FBL: variants seen among roughly 807,000 people sequenced by gnomAD.
The protein encoded by FBL is fibrillarin rRNA 2'-O-methyltransferase.
FBL carries 10 observed loss-of-function variants against 42.2 expected under a neutral mutation model. The ratio of observed to expected loss-of-function variants is 0.24; its 90% confidence interval spans 0.15 to 0.40. The LOEUF (loss-of-function observed/expected upper bound fraction) is 0.40, where lower values mean the gene tolerates loss of function less well. FBL is among the 10% of genes least tolerant of loss of function. The pLI is 1.00. For missense variants in FBL, 351 were observed against 439.2 expected (o/e 0.80, Z 1.79); for synonymous variants, 165 against 165.4 (o/e 1.00, Z 0.02).
Position 39,839,208 on chromosome 19 carries a change from A to C in FBL, c.379-3T>G. ...TACTCAATTTTGTCATCTCCTTCCT[A>C]GATGAGAGATGGGGACAGAAGTCAG... On this transcript the variant is annotated splice_polypyrimidine_tract_variant and splice_region_variant and intron_variant, in intron 4 of 8. Transcript: ENST00000221801. The C allele has an allele frequency of 6.2e-7, 1 of 1,607,402 alleles. No individual in the cohort carries two copies. The highest frequency in any genetic ancestry group is 1.1e-5 in the South Asian group (1 of 90,180).
In FBL at chr19:39,839,080, A is replaced by T. The variant is rs1235477914; in HGVS notation, c.504T>A (p.Ala168=). ...CATGGGAGACCGTGGTGCCCGAGGC[A>T]GCCCCGAGGTAGAGAACCTTAGCCC... is the stretch of plus-strand genomic sequence containing the variant. ...KPGAKVLYLG[A]ASGTTVSHVS... is the part of the protein sequence containing the mutation. The change falls in exon 5 of 9, where the codon GCT becomes GCA. Residue 168 remains alanine, a synonymous_variant. Coordinates refer to ENST00000221801, the MANE Select transcript of FBL (RefSeq NM_001436.4). 1 of 1,614,156 alleles carries T rather than the reference A, an allele frequency of 6.2e-7. No homozygotes were observed. The highest frequency in any genetic ancestry group is 8.5e-7 in the Non-Finnish European group (1 of 1,179,998).
chr19:39,837,067 A>G (rs1446087590), intron 6 of FBL, among the ~76,000 whole-genome samples: 1 of 152,236 alleles, frequency 6.6e-6, no homozygotes, highest in Non-Finnish European at 1.5e-5. Flanking sequence ...AATGAAAACA[A>G]GTTGCAGAAC....
Position 39,840,741 on chromosome 19 carries a change from A to G in FBL, c.57T>C (p.Gly19=), listed in dbSNP as rs765935421. 3 of 1,575,322 alleles carry G rather than the reference A, an allele frequency of 1.9e-6. No individual in the cohort carries two copies. Among genetic ancestry groups the G allele is most frequent in the African/African-American group, 2.7e-5 (2 of 73,808 alleles). The change falls in exon 2 of 9, where the codon GGT becomes GGC. Residue 19 remains glycine, a synonymous_variant. Transcript: ENST00000221801. The surrounding 1 kb of genome is among the most constrained non-coding windows in gnomAD (Gnocchi z 4.5). The part of the protein sequence containing the change: ...GGGFGGRGGF[G]DRGGRGGRGG... ...CTCGGCCTCCACGACCACCACGGTC[A>G]CCAAAGCCCCCTCGGCCGCCAAAGC...
In FBL at chr19:39,840,160, G is replaced by T; in HGVS notation, c.378+73C>A. ...AGCTGTCACGTGCAGGACACATGGTGAGGGCAGACACAGACTACTGGCTAC... is the reference window on the plus strand; with the variant it reads ...AGCTGTCACGTGCAGGACACATGGTTAGGGCAGACACAGACTACTGGCTAC... On this transcript the variant is annotated intron_variant, in intron 4 of 8. Transcript: ENST00000221801. This position sits in a 1 kb window ranked among gnomAD's most constrained non-coding sequence, Gnocchi z 4.5. 1 of 1,005,892 alleles carries T rather than the reference G, an allele frequency of 9.9e-7. No homozygotes were observed. Among genetic ancestry groups the T allele is most frequent in the Non-Finnish European group, 1.6e-6 (1 of 630,270 alleles). The allele number at this position is 1,005,892 out of a possible 1,614,324, so 62.3% of individuals were successfully genotyped here. A position where few individuals can be genotyped will look rare whatever the true frequency, so the allele number is the denominator to read the frequency against.
rs781092751 is a variant in FBL at position 39,840,692 on chromosome 19, G to A, written c.106C>T (p.Arg36Ter). 1 of 1,591,526 alleles carries A rather than the reference G, an allele frequency of 6.3e-7. No individual in the cohort carries two copies. The highest frequency in any genetic ancestry group is 8.6e-7 in the Non-Finnish European group (1 of 1,169,586). Reference protein sequence around the residue: ...GRGGFGGGRGRGGGFRGRGRG... With the variant: ...GRGGFGGGRG ...CCACGACCTCTAAAGCCTCCGCCTC[G>A]ACCTCGGCCCCCGCCAAAGCCCCCT... The change falls in exon 2 of 9, where the codon CGA (arginine) becomes TGA (stop). Residue 36 changes from arginine to a stop codon, truncating the protein, a stop_gained. Transcript: ENST00000221801. LOFTEE classifies it high-confidence loss of function. This position sits in a 1 kb window ranked among gnomAD's most constrained non-coding sequence, Gnocchi z 4.5.
Position 39,846,338 on chromosome 19 carries a change from G to A in FBL, c.-38C>T. ...TTTGTGCGGCTCCGGAGTCCGCGGC[G>A]TTCACAACTCCACGAGTCCGGGGCT... On this transcript the variant is annotated 5_prime_UTR_variant, in exon 1 of 9. It adds an upstream start codon to the 5' untranslated region. Coordinates refer to ENST00000221801, the MANE Select transcript of FBL (RefSeq NM_001436.4). 1 of 1,611,932 alleles carries A rather than the reference G, an allele frequency of 6.2e-7. No homozygotes were observed. Among genetic ancestry groups the A allele is most frequent in the Non-Finnish European group, 8.5e-7 (1 of 1,179,086 alleles).
chr19:39,834,673 C>T lies in FBL; in HGVS notation c.936G>A (p.Val312=). Residue 312 remains valine (V), a synonymous_variant, in exon 8 of 9, where the codon GTG becomes GTA. Coordinates refer to ENST00000221801, the MANE Select transcript of FBL (RefSeq NM_001436.4). The part of the protein sequence containing the change: ...YERDHAVVVG[V]YRPPPKVKN ...ATTGCTGGGCCCCTGCTCACCTGTA[C>T]ACTCCCACGACCACGGCATGGTCTC... is the stretch of plus-strand genomic sequence containing the variant. 10 of 1,614,158 alleles carry T rather than the reference C, an allele frequency of 6.2e-6. No homozygotes were observed. The highest frequency in any genetic ancestry group is 8.5e-6 in the Non-Finnish European group (10 of 1,180,028).
Position 39,840,983 on chromosome 19 carries a change from A to G in FBL, c.11-196T>C, listed in dbSNP as rs1969154743. ...TCCATCAATAGAATGGGCAAATAAAATAGAAGACATTCACAATCAAGATCA... is the reference window on the plus strand; with the variant it reads ...TCCATCAATAGAATGGGCAAATAAAGTAGAAGACATTCACAATCAAGATCA... On this transcript the variant is annotated intron_variant, in intron 1 of 8. Transcript: ENST00000221801. The surrounding 1 kb of genome is among the most constrained non-coding windows in gnomAD (Gnocchi z 4.5). 6.6e-6 allele frequency among the ~76,000 whole-genome samples: 1 copy of G among 152,230 alleles called. No individual in the cohort carries two copies. Among genetic ancestry groups the G allele is most frequent in the Admixed American group, 6.5e-5 (1 of 15,282 alleles).
At chr19:39,837,545 C>T (rs1969073664) in intron 6 of FBL, among the ~76,000 whole-genome samples, 166 bp downstream of exon 6, 1 of 152,178 alleles carries the variant, frequency 6.6e-6, no homozygotes, top group Non-Finnish European at 1.5e-5. Context: ...AGCCAAGCTG[C>T]CACCTCCACA....
intron 7 of FBL, 147 bp downstream of exon 7, chr19:39,836,409 G>A (rs1347024476): frequency 1.6e-5 from 8 of 507,704 alleles, no homozygotes; most frequent in South Asian, 3.2e-5. Flanking sequence ...GCACTTGACC[G>A]CTGCACTCTC....
At chr19:39,838,435 A>G (rs1397106792) in intron 5 of FBL, 2 of 152,962 alleles carry the variant, frequency 1.3e-5, no homozygotes, top group Non-Finnish European at 2.9e-5. Flanking sequence ...TAATTTTTGT[A>G]TTTTTAGTAG....
chr19:39,834,873 G>C, intron 7 of FBL, 60 bp from the exon 8 acceptor site: 1 of 1,560,284 alleles, frequency 6.4e-7, no homozygotes, highest in African/African-American at 1.4e-5. Context: ...TCTCTTGTGT[G>C]CTCTTTAAAC....
chr19:39,837,994 C>T, intron 5 of FBL, 151 bp from the exon 6 acceptor site: 1 of 598,916 alleles, frequency 1.7e-6, no homozygotes, highest in Non-Finnish European at 2.8e-6. Context: ...CCATTTTTCA[C>T]ATGAATAAAC....
chr19:39,837,533 G>C (rs927957090), intron 6 of FBL, among the ~76,000 whole-genome samples, 178 bp downstream of exon 6: 1 of 152,190 alleles, frequency 6.6e-6, no homozygotes, highest in African/African-American at 2.4e-5. Context: ...CCAAGACTCT[G>C]AAGCCAAGCT....
chr19:39,846,188 A>G, intron 1 of FBL, 103 bp downstream of exon 1: 1 of 1,370,534 alleles, frequency 7.3e-7, no homozygotes. Context: ...CGTGCTCAGA[A>G]CCCCTGCCCC....
intron 1 of FBL, among the ~76,000 whole-genome samples, chr19:39,844,076 C>T (rs1969213613): frequency 6.6e-6 from 1 of 152,178 alleles, no homozygotes; most frequent in Non-Finnish European, 1.5e-5. Flanking sequence ...CTTTTCAAAA[C>T]TCTAGAACAT....
In FBL at chr19:39,846,273, C is replaced by T. The variant is rs1482112147; in HGVS notation, c.10+18G>A. The T allele has an allele frequency of 6.2e-7, 1 of 1,613,854 alleles. No individual in the cohort carries two copies. Among genetic ancestry groups the T allele is most frequent in the Admixed American group, 1.7e-5 (1 of 60,032 alleles). Reference sequence around the variant, plus strand: ...CCCGGCCTCCGTCCCTGACCCCGGACCCTCACCCCAGCCTGACCTGGCTTC... The same window carrying T: ...CCCGGCCTCCGTCCCTGACCCCGGATCCTCACCCCAGCCTGACCTGGCTTC... On this transcript the variant is annotated intron_variant, in intron 1 of 8. Coordinates refer to ENST00000221801, the MANE Select transcript of FBL (RefSeq NM_001436.4).
Position 39,839,016 on chromosome 19 carries a change from T to C in FBL, c.549+19A>G, listed in dbSNP as rs377436336. 1.7e-5 allele frequency: 27 copies of C among 1,598,270 alleles called. No homozygotes were observed. The African/African-American group carries it at 3.2e-4, about 19-fold the overall frequency. On this transcript the variant is annotated intron_variant, in intron 5 of 8. Transcript: ENST00000221801. ...AGGCAGCCTTTACCTCCTGCCTGAC[T>C]CTCCATCTACTCACTCACCGGACCA... is the stretch of plus-strand genomic sequence containing the variant.
At chr19:39,837,880 G>A (rs908055157) in intron 5 of FBL, 37 bp from the exon 6 acceptor site, 1 of 1,594,722 alleles carries the variant, frequency 6.3e-7, no homozygotes, top group Non-Finnish European at 8.6e-7. Context: ...AGTGATGCTA[G>A]TTCTCATGCA....
Sources: gnomAD v4.1 joint callset for allele counts (sites outside exome capture counted in the v4.1 genomes callset) on GRCh38, gnomAD v4.1.1 for gene constraint, Gnocchi (gnomAD v3.1) non-coding constraint, MANE v1.5 for transcripts, NCBI Gene and HGNC (gene_info 2026-07-23, HGNC 2026-07-21) for gene names.